The following ATP7B variants were observed in gnomAD, a reference collection of about 807,000 sequenced individuals.
The protein encoded by ATP7B is copper-transporting ATPase 2.
In ATP7B, 113 loss-of-function variants were observed where a neutral mutation model predicts 118.9. The ratio of observed to expected loss-of-function variants is 0.95; its 90% CI spans 0.82 to 1.11. ATP7B has a LOEUF of 1.11. Among genes scored for constraint, ATP7B ranks in the 50% most tolerant of loss-of-function variants. The probability of loss-of-function intolerance (pLI) is 0.00; values close to 1 mark genes in which losing one functional copy is unlikely to be tolerated. For missense variants in ATP7B, 1,867 were observed against 1,871.4 expected (o/e 1.00, Z 0.04); for synonymous variants, 777 against 727.4 (o/e 1.07, Z -1.10).
At chr13:51,966,041 C>G (rs1951530583) in intron 4 of ATP7B, among the ~76,000 whole-genome samples, 1 of 152,218 alleles carries the variant, frequency 6.6e-6, no homozygotes, top group Non-Finnish European at 1.5e-5. Flanking sequence ...AGGAGCTTAT[C>G]TGTTGGCAGG....
Position 51,995,280 on chromosome 13 carries a change from C to T in ATP7B, c.51+16007G>A, listed in dbSNP as rs577304366. On this transcript the variant is annotated intron_variant, in intron 1 of 20. Transcript: ENST00000242839. Reference sequence around the variant, plus strand: ...ATCTTTAAAATGGGTCCAGGCCCTTCCAGGCTTTTTAGCCCATCTGCAATT... The same window carrying T: ...ATCTTTAAAATGGGTCCAGGCCCTTTCAGGCTTTTTAGCCCATCTGCAATT... 31 of 984,858 alleles carry T rather than the reference C, an allele frequency of 3.1e-5. No individual in the cohort carries two copies. In the South Asian group the frequency reaches 1.4e-3, roughly 43 times the overall value. 61.0% of individuals were successfully genotyped at this position (984,858 alleles called of 1,614,324 possible). A position where few individuals can be genotyped will look rare whatever the true frequency, so the allele number is the denominator to read the frequency against.
rs1057518867 is a variant in ATP7B at position 51,946,381 on chromosome 13, C to T, written c.2963G>A (p.Gly988Glu). Reference protein sequence around the residue: ...VLCIACPCSLGLATPTAVMVG... With the variant: ...VLCIACPCSLELATPTAVMVG... Reference sequence around the variant, plus strand: ...CATGACAGCCGTGGGCGTGGCCAGCCCCAGGGAGCAGGGGCAGGCAATGCA... The same window carrying T: ...CATGACAGCCGTGGGCGTGGCCAGCTCCAGGGAGCAGGGGCAGGCAATGCA... Residue 988 changes from glycine to glutamate, a missense_variant, in exon 13 of 21, where the codon GGG becomes GAG. Gly to Glu is a moderately conservative substitution (Grantham distance 98, BLOSUM62 -2). Transcript: ENST00000242839. The T allele has an allele frequency of 6.2e-7, 1 of 1,613,852 alleles. No individual in the cohort carries two copies. Among genetic ancestry groups the T allele is most frequent in the Non-Finnish European group, 8.5e-7 (1 of 1,180,020 alleles).
Position 51,937,271 on chromosome 13 carries a change from C to T in ATP7B, c.4021+5G>A. 6.2e-7 allele frequency: 1 copy of T among 1,613,032 alleles called. No homozygotes were observed. The highest frequency in any genetic ancestry group is 1.1e-5 in the South Asian group (1 of 91,066). On this transcript the variant is annotated splice_donor_5th_base_variant and intron_variant, in intron 19 of 20. Coordinates refer to ENST00000242839, the MANE Select transcript of ATP7B (RefSeq NM_000053.4). ...GCTGGAGCACAGTGGGTAAGAGCTG[C>T]CTACCTGCTGCAATGGGTATCCCAA...
In ATP7B at chr13:51,933,743, G is replaced by A. The variant is rs1956814219; in HGVS notation, c.*1013C>T. 1.3e-5 allele frequency: 2 copies of A among 152,188 alleles called. No individual in the cohort carries two copies. The highest frequency in any genetic ancestry group is 1.5e-5 in the Non-Finnish European group (1 of 68,074). 9.4% of individuals were successfully genotyped at this position (152,188 alleles called of 1,614,324 possible). On this transcript the variant is annotated 3_prime_UTR_variant, in exon 21 of 21. Coordinates refer to ENST00000242839, the MANE Select transcript of ATP7B (RefSeq NM_000053.4). ...GCGCTAGTCACATGAATTCTCTACT[G>A]AACCCCACGAGGTGACAGTCAGAAG...
In ATP7B at chr13:51,941,113, T is replaced by G. The variant is rs940997440; in HGVS notation, c.3524A>C (p.Lys1175Thr). The change falls in exon 16 of 21, where the codon AAA becomes ACA. Residue 1175 changes from lysine (K) to threonine (T), a missense_variant. Transcript: ENST00000242839. ...VSDAMTDHEMKGQTAILVAID... is the reference protein window; with the variant it reads ...VSDAMTDHEMTGQTAILVAID... Reference sequence around the variant, plus strand: ...AGCCACCAGGATGGCTGTCTGTCCTTTCATCTCGTGGTCTGTCATAGCGTC... The same window carrying G: ...AGCCACCAGGATGGCTGTCTGTCCTGTCATCTCGTGGTCTGTCATAGCGTC... 1 of 1,614,048 alleles carries G rather than the reference T, an allele frequency of 6.2e-7. No homozygotes were observed.
intron 8 of ATP7B, 83 bp from the exon 9 acceptor site, chr13:51,957,690 T>TAGG: frequency 1.5e-6 from 2 of 1,358,038 alleles, no homozygotes; most frequent in South Asian, 2.3e-5. Context: ...AGCGTGGTGT[T>TAGG]AGAGACAGCT....
At chr13:51,990,009 A>G (rs1379511240) in intron 1 of ATP7B, among the ~76,000 whole-genome samples, 1 of 152,030 alleles carries the variant, frequency 6.6e-6, no homozygotes, top group African/African-American at 2.4e-5. Context: ...AATTAGCACT[A>G]CTCTATAAAT....
intron 16 of ATP7B, 25 bp downstream of exon 16, chr13:51,941,056 G>T: frequency 6.2e-7 from 1 of 1,614,136 alleles, no homozygotes. Flanking sequence ...TGAGAGAGCG[G>T]AAGGAAGGCA....
rs148788642 is a variant in ATP7B, at chr13:51,981,061, G to A, written c.52-5893C>T. On this transcript the variant is annotated intron_variant, in intron 1 of 20. Coordinates refer to ENST00000242839, the MANE Select transcript of ATP7B (RefSeq NM_000053.4). ...CCTCATGCTTAGGGCAATTCTAGAA[G>A]GAGATATTATCACCATTTCACTGTT... is the stretch of plus-strand genomic sequence containing the variant. Among the ~76,000 whole-genome samples, 851 of 152,258 alleles carry A rather than the reference G, an allele frequency of 5.6e-3. 6 individuals are homozygous for A. Among genetic ancestry groups the A allele is most frequent in the South Asian group, 0.03 (146 of 4,828 alleles).
At chr13:51,982,499 A>G (rs973804882) in intron 1 of ATP7B, among the ~76,000 whole-genome samples, 1 of 152,234 alleles carries the variant, frequency 6.6e-6, no homozygotes, top group Admixed American at 6.5e-5. Context: ...TGAGTTTTAA[A>G]AAACAAACAC....
At position 51,946,422 on chromosome 13, in the gene ATP7B, C is replaced by G. The variant is rs751802421; in HGVS notation, c.2922G>C (p.Thr974=). ...TEVIIRFAFQ[T]SITVLCIACP... ...AGGCAATGCACAGCACCGTGATGGACGTCTGGAAAGCAAACCGGATGATCA... is the reference window on the plus strand; with the variant it reads ...AGGCAATGCACAGCACCGTGATGGAGGTCTGGAAAGCAAACCGGATGATCA... Residue 974 remains threonine, a synonymous_variant, in exon 13 of 21, where the codon ACG becomes ACC. Transcript: ENST00000242839. 4 of 1,614,066 alleles carry G rather than the reference C, an allele frequency of 2.5e-6. No individual in the cohort carries two copies. The highest frequency in any genetic ancestry group is 3.4e-6 in the Non-Finnish European group (4 of 1,180,044).
chr13:51,989,870 C>T (rs1326279725), intron 1 of ATP7B, among the ~76,000 whole-genome samples: 1 of 152,056 alleles, frequency 6.6e-6, no homozygotes, highest in Non-Finnish European at 1.5e-5. Flanking sequence ...CCTTTCCCAA[C>T]AAAGAGGTTT....
At chr13:51,973,477 C>T (rs1951939882) in intron 2 of ATP7B, among the ~76,000 whole-genome samples, 1 of 152,152 alleles carries the variant, frequency 6.6e-6, no homozygotes, top group Non-Finnish European at 1.5e-5. Flanking sequence ...AATGGGTTAT[C>T]ACAGGTGTGG....
intron 4 of ATP7B, among the ~76,000 whole-genome samples, chr13:51,968,043 G>A (rs1951651663): frequency 6.6e-6 from 1 of 152,092 alleles, no homozygotes; most frequent in African/African-American, 2.4e-5. Context: ...CTACCACATG[G>A]ACTTCCCTCT....
intron 13 of ATP7B, among the ~76,000 whole-genome samples, chr13:51,945,372 T>C (rs1398585654): frequency 2.0e-5 from 3 of 152,368 alleles, no homozygotes; most frequent in South Asian, 2.1e-4. Flanking sequence ...ATGCACTTGA[T>C]GTCTCAGGTT....
intron 8 of ATP7B, 53 bp downstream of exon 8, chr13:51,958,258 G>A: frequency 6.4e-7 from 1 of 1,561,732 alleles, no homozygotes; most frequent in Non-Finnish European, 8.8e-7. Flanking sequence ...CAGAGGAAGT[G>A]AGATTTGTTT....
intron 1 of ATP7B, among the ~76,000 whole-genome samples, chr13:51,990,832 G>C (rs1952871498): frequency 3.3e-5 from 5 of 152,350 alleles, no homozygotes; most frequent in Middle Eastern, 3.4e-3. Flanking sequence ...GCTCATACCT[G>C]TAATCCCAGC....
intron 16 of ATP7B, among the ~76,000 whole-genome samples, chr13:51,940,606 T>TC (rs1957275861): frequency 6.6e-6 from 1 of 151,806 alleles, no homozygotes; most frequent in East Asian, 2.0e-4. Flanking sequence ...GTCACACCAC[T>TC]CCACTGCACT....
At position 51,966,721 on chromosome 13, in the gene ATP7B, G is replaced by A. The variant is rs1045029449; in HGVS notation, c.1708-1688C>T. The A allele has an allele frequency of 7.7e-6, 12 of 1,566,040 alleles. No individual in the cohort carries two copies. In the Admixed American group the frequency reaches 1.9e-4, roughly 25 times the overall value. ...TGCCGACGTAGACCCTGCTCTGCAC[G>A]CCAGCCCGCCCGCACCCACCATGGC... is the stretch of plus-strand genomic sequence containing the variant. On this transcript the variant is annotated intron_variant, in intron 4 of 20. Coordinates refer to ENST00000242839, the MANE Select transcript of ATP7B (RefSeq NM_000053.4).
Sources: allele counts gnomAD v4.1 joint callset (sites outside exome capture counted in the v4.1 genomes callset), GRCh38; gene constraint gnomAD v4.1.1; transcripts MANE v1.5; gene names NCBI Gene and HGNC (gene_info 2026-07-23, HGNC 2026-07-21).